The following TMEM68 variants were observed in gnomAD, a reference collection of about 807,000 sequenced individuals.
TMEM68 encodes DGAT1/2-independent enzyme synthesizing storage lipids.
In TMEM68, 25 loss-of-function variants were observed where a neutral mutation model predicts 36.9. That is an observed-to-expected ratio of 0.68 (90% CI 0.49 to 0.95). TMEM68 has a LOEUF of 0.95. Among genes scored for constraint, TMEM68 ranks in the 40% least tolerant of loss-of-function variants. TMEM68 has a pLI of 0.00. For synonymous variants in TMEM68, 131 were observed against 124.4 expected (o/e 1.05, Z -0.35); for missense variants, 333 against 392.0 (o/e 0.85, Z 1.27).
intron 3 of TMEM68, among the ~76,000 whole-genome samples, chr8:55,757,358 T>TA (rs1810637852): frequency 6.6e-6 from 1 of 152,074 alleles, no homozygotes; most frequent in South Asian, 2.1e-4. Context: ...ACAAAATACT[T>TA]AAAGTCCCAC....
At chr8:55,762,608 C>T in intron 3 of TMEM68, 27 bp downstream of exon 3, 1 of 1,613,762 alleles carries the variant, frequency 6.2e-7, no homozygotes, top group Non-Finnish European at 8.5e-7. Context: ...TGAATGGCAA[C>T]ACAAAGGTGA....
rs536120933 is a variant in TMEM68, at chr8:55,773,298, G to T, written c.-144C>A. ...GAGCGGCGACAGAAGCTCTTCGGGG[G>T]ATCAGTGGCCAAGGGGGCGGACAGA... On this transcript the variant is annotated 5_prime_UTR_variant, in exon 1 of 8. Coordinates refer to ENST00000434581, the MANE Select transcript of TMEM68 (RefSeq NM_001286657.2). 2 of 220,170 alleles carry T rather than the reference G, an allele frequency of 9.1e-6. No homozygotes were observed. Among genetic ancestry groups the T allele is most frequent in the Admixed American group, 5.9e-5 (1 of 16,882 alleles). The allele number at this position is 220,170 out of a possible 1,614,324, so 13.6% of individuals were successfully genotyped here.
At chr8:55,754,607 T>C (rs1452993604) in intron 4 of TMEM68, among the ~76,000 whole-genome samples, 1 of 133,682 alleles carries the variant, frequency 7.5e-6, no homozygotes, top group Non-Finnish European at 1.5e-5. Flanking sequence ...GTAATATATA[T>C]TTATATTATA....
At chr8:55,743,254 C>G (rs1339881193) in intron 7 of TMEM68, among the ~76,000 whole-genome samples, 1 of 152,104 alleles carries the variant, frequency 6.6e-6, no homozygotes, top group Admixed American at 6.6e-5. Context: ...CACTGGCCCC[C>G]ACCCACTAAA....
Position 55,740,002 on chromosome 8 carries a change from A to T in TMEM68, c.*130T>A. On this transcript the variant is annotated 3_prime_UTR_variant, in exon 8 of 8. Coordinates refer to ENST00000434581, the MANE Select transcript of TMEM68 (RefSeq NM_001286657.2). ...CTATTTTAAAGAAACGAATTCTGTG[A>T]AAGATGCTTATTAACATGATTTTTT... 1.5e-6 allele frequency: 1 copy of T among 667,948 alleles called. No homozygotes were observed. Among genetic ancestry groups the T allele is most frequent in the African/African-American group, 1.9e-5 (1 of 53,802 alleles). 41.4% of individuals were successfully genotyped at this position (667,948 alleles called of 1,614,324 possible). A position where few individuals can be genotyped will look rare whatever the true frequency, so the allele number is the denominator to read the frequency against.
intron 7 of TMEM68, among the ~76,000 whole-genome samples, chr8:55,742,304 G>C (rs1399477825): frequency 6.6e-6 from 1 of 152,138 alleles, no homozygotes. Context: ...AAAAATTCTA[G>C]AGACCTGTTG....
In TMEM68 at chr8:55,760,931, C is replaced by T. The variant is rs911635532; in HGVS notation, c.325+1704G>A. ...TGAGGATCAACTGTCCCATCAAATACATTTTCTGAGCAATAAAGAAACTCC... is the reference window on the plus strand; with the variant it reads ...TGAGGATCAACTGTCCCATCAAATATATTTTCTGAGCAATAAAGAAACTCC... On this transcript the variant is annotated intron_variant, in intron 3 of 7. Transcript: ENST00000434581. The T allele has an allele frequency of 3.3e-5, 5 of 152,280 alleles. No individual in the cohort carries two copies. The East Asian group carries it at 9.6e-4, about 29-fold the overall frequency. The allele number at this position is 152,280 out of a possible 1,614,324, so 9.4% of individuals were successfully genotyped here. A position where few individuals can be genotyped will look rare whatever the true frequency, so the allele number is the denominator to read the frequency against.
chr8:55,771,773 C>T (rs930107232), intron 1 of TMEM68, among the ~76,000 whole-genome samples: 1 of 152,088 alleles, frequency 6.6e-6, no homozygotes, highest in African/African-American at 2.4e-5. Context: ...TTCCTGTTTC[C>T]TTTCTGCATA....
chr8:55,766,120 C>T (rs4737417), intron 1 of TMEM68, among the ~76,000 whole-genome samples: 24,603 of 151,876 alleles, frequency 0.16, 2,442 homozygotes, highest in East Asian at 0.32. Context: ...ATGTCAGGCA[C>T]GGGAGTAGGG....
In TMEM68 at chr8:55,762,976, A is replaced by C; in HGVS notation, c.-17T>G. The C allele has an allele frequency of 6.4e-7, 1 of 1,564,634 alleles. No individual in the cohort carries two copies. Among genetic ancestry groups the C allele is most frequent in the Middle Eastern group, 1.7e-4 (1 of 5,838 alleles). ...GTCTATCATTTTTCTTCAGGTGAAAATGACAAATTCAGTTTCTTTCTTCAT... is the reference window on the plus strand; with the variant it reads ...GTCTATCATTTTTCTTCAGGTGAAACTGACAAATTCAGTTTCTTTCTTCAT... On this transcript the variant is annotated 5_prime_UTR_variant, in exon 3 of 8. Transcript: ENST00000434581.
intron 3 of TMEM68, among the ~76,000 whole-genome samples, chr8:55,758,382 T>C (rs1810672785): frequency 6.6e-6 from 1 of 152,132 alleles, no homozygotes; most frequent in Admixed American, 6.5e-5. Context: ...TTGTCATTCT[T>C]TTACAAACAA....
chr8:55,753,522 T>C (rs1207413510), intron 4 of TMEM68, among the ~76,000 whole-genome samples: 2 of 152,244 alleles, frequency 1.3e-5, no homozygotes, highest in Non-Finnish European at 2.9e-5. Context: ...ACAATATGTT[T>C]ATACACAAAT....
chr8:55,771,885 G>T (rs1305855827), intron 1 of TMEM68, among the ~76,000 whole-genome samples: 1 of 152,152 alleles, frequency 6.6e-6, no homozygotes, highest in Non-Finnish European at 1.5e-5. Flanking sequence ...AAGATAGCTG[G>T]TAAATCTAAT....
intron 5 of TMEM68, among the ~76,000 whole-genome samples, chr8:55,750,691 C>T (rs1035873732): frequency 6.6e-6 from 1 of 151,928 alleles, no homozygotes. Flanking sequence ...AGGCATGCAC[C>T]ACCATGCCTG....
intron 5 of TMEM68, chr8:55,747,150 G>C (rs1336541680): frequency 6.6e-6 from 1 of 152,284 alleles, no homozygotes; most frequent in Admixed American, 6.5e-5. Context: ...GATCACTTGA[G>C]GTCAGGAGTT....
intron 4 of TMEM68, among the ~76,000 whole-genome samples, chr8:55,754,906 T>G (rs923808965): frequency 7.1e-5 from 8 of 112,424 alleles, no homozygotes; most frequent in Non-Finnish European, 1.3e-4. Context: ...AATACATATA[T>G]TATATATTAT....
chr8:55,757,833 A>T (rs2129985611), intron 3 of TMEM68, among the ~76,000 whole-genome samples: 1 of 152,300 alleles, frequency 6.6e-6, no homozygotes, highest in East Asian at 1.9e-4. Flanking sequence ...CCACGGGGGC[A>T]GTGGCAGCAA....
In TMEM68 at chr8:55,740,109, A is replaced by C; in HGVS notation, c.*23T>G. 1.3e-6 allele frequency: 2 copies of C among 1,586,284 alleles called. No homozygotes were observed. The highest frequency in any genetic ancestry group is 1.7e-6 in the Non-Finnish European group (2 of 1,157,750). ...ACATTTAATATAAATGTACTAAATC[A>C]TCTTCTAGTTGACCCTTTGTTATCA... On this transcript the variant is annotated 3_prime_UTR_variant, in exon 8 of 8. Coordinates refer to ENST00000434581, the MANE Select transcript of TMEM68 (RefSeq NM_001286657.2).
chr8:55,771,918 T>G (rs1811184676), intron 1 of TMEM68, among the ~76,000 whole-genome samples: 1 of 152,228 alleles, frequency 6.6e-6, no homozygotes, highest in African/African-American at 2.4e-5. Flanking sequence ...AATACTTTTT[T>G]TATTTCAAGC....
Sources: allele counts gnomAD v4.1 joint callset (sites outside exome capture counted in the v4.1 genomes callset), GRCh38; gene constraint gnomAD v4.1.1; transcripts MANE v1.5; gene names NCBI Gene and HGNC (gene_info 2026-07-23, HGNC 2026-07-21).